Variants in RSRC1 observed in about 807,000 individuals in gnomAD.
The protein encoded by RSRC1 is serine/Arginine-related protein 53.
Under a neutral mutation model 49.1 loss-of-function variants are expected in RSRC1, and 39 were observed. That is an observed-to-expected ratio of 0.79 (90% CI 0.61 to 1.04). The LOEUF (loss-of-function observed/expected upper bound fraction) is 1.04, where lower values mean the gene tolerates loss of function less well. Among genes scored for constraint, RSRC1 ranks in the 50% least tolerant of loss-of-function variants. The probability of loss-of-function intolerance (pLI) is 0.00; values close to 1 mark genes in which losing one functional copy is unlikely to be tolerated. For synonymous variants in RSRC1, 143 were observed against 130.8 expected, an observed-to-expected ratio of 1.09 and a Z score of -0.63; for missense variants, 388 against 402.4, an observed-to-expected ratio of 0.96 and a Z score of 0.31.
chr3:158,119,209 C>G (rs1478468782), intron 1 of RSRC1, among the ~76,000 whole-genome samples: 1 of 152,082 alleles, frequency 6.6e-6, no homozygotes, highest in Non-Finnish European at 1.5e-5. Flanking sequence ...TGTGCCTGCT[C>G]TGGTATCTGG....
intron 3 of RSRC1, among the ~76,000 whole-genome samples, chr3:158,151,058 T>A (rs1717506171): frequency 6.6e-6 from 1 of 152,224 alleles, no homozygotes; most frequent in African/African-American, 2.4e-5. Context: ...TTTGAATGTG[T>A]AGGGGAGAAA....
At chr3:158,510,085 C>T (rs1305082924) in intron 7 of RSRC1, among the ~76,000 whole-genome samples, 1 of 152,166 alleles carries the variant, frequency 6.6e-6, no homozygotes, top group Non-Finnish European at 1.5e-5. Flanking sequence ...CACATCCTTG[C>T]CATGCTTGAT....
chr3:158,174,262 A>G (rs1719064511), intron 3 of RSRC1, among the ~76,000 whole-genome samples: 1 of 151,994 alleles, frequency 6.6e-6, no homozygotes, highest in Non-Finnish European at 1.5e-5. Flanking sequence ...TTGAGCTTTC[A>G]AAATTAAATG....
intron 7 of RSRC1, among the ~76,000 whole-genome samples, chr3:158,529,214 G>GTGTGTGTATATATATA (rs374368016): frequency 4.5e-4 from 65 of 143,146 alleles, no homozygotes; most frequent in African/African-American, 1.6e-3. Context: ...ATGTGTGTGT[G>GTGTGTGTATATATATA]TATATATATA....
intron 3 of RSRC1, among the ~76,000 whole-genome samples, chr3:158,195,197 G>T (rs1410348885): frequency 6.6e-6 from 1 of 152,166 alleles, no homozygotes; most frequent in East Asian, 1.9e-4. Flanking sequence ...ATTCTAATGG[G>T]TGTGAGATGA....
intron 3 of RSRC1, among the ~76,000 whole-genome samples, chr3:158,154,019 A>T (rs1578140928): frequency 6.6e-6 from 1 of 152,170 alleles, no homozygotes; most frequent in African/African-American, 2.4e-5. Flanking sequence ...TGAATCCTTG[A>T]CTGGACAGCT....
At chr3:158,454,351 G>C (rs1169946887) in intron 6 of RSRC1, among the ~76,000 whole-genome samples, 1 of 152,082 alleles carries the variant, frequency 6.6e-6, no homozygotes, top group East Asian at 1.9e-4. Context: ...TGAGAATTCA[G>C]TGAAATATAT....
intron 6 of RSRC1, among the ~76,000 whole-genome samples, chr3:158,360,311 G>A (rs1042164450): frequency 2.0e-5 from 3 of 152,162 alleles, no homozygotes; most frequent in African/African-American, 7.2e-5. Flanking sequence ...GGGCCTTAGA[G>A]GGGGAGGAAA....
intron 5 of RSRC1, among the ~76,000 whole-genome samples, chr3:158,344,004 C>T (rs570528546): frequency 6.6e-6 from 1 of 152,258 alleles, no homozygotes; most frequent in South Asian, 2.1e-4. Flanking sequence ...AGGCTGGGTA[C>T]GATGGCTTAC....
chr3:158,164,323 C>CT lies in RSRC1; in HGVS notation c.321-38739dup, dbSNP rs959735159. ...CAGGATTATTACACTGATAACTGTT[C>CT]TTTTTTTTTTAAAACAAGATTTTAC... On this transcript the variant is annotated intron_variant, in intron 3 of 9. Coordinates refer to ENST00000611884, the MANE Select transcript of RSRC1 (RefSeq NM_001271838.2). Among the ~76,000 whole-genome samples, 16 of 148,622 alleles carry CT rather than the reference C, an allele frequency of 1.1e-4. 1 individual carries two copies. The South Asian group carries it at 1.9e-3, about 18-fold the overall frequency.
At chr3:158,500,116 AGAT>A (rs2108459219) in intron 7 of RSRC1, among the ~76,000 whole-genome samples, 1 of 152,290 alleles carries the variant, frequency 6.6e-6, no homozygotes, top group South Asian at 2.1e-4. Flanking sequence ...GCATCTATTG[AGAT>A]GATCATGTGA....
chr3:158,514,144 C>T (rs1426437098), intron 7 of RSRC1, among the ~76,000 whole-genome samples: 1 of 152,064 alleles, frequency 6.6e-6, no homozygotes, highest in African/African-American at 2.4e-5. Flanking sequence ...TTAGTTATTT[C>T]TTGCCTTCTG....
chr3:158,518,095 CGT>C (rs1263691994), intron 7 of RSRC1, among the ~76,000 whole-genome samples: 5,770 of 75,658 alleles, frequency 0.076, 396 homozygotes, highest in Middle Eastern at 0.11. Context: ...TAAGTGCGTG[CGT>C]GTGTGTGTGT....
chr3:158,368,300 T>C (rs560427494), intron 6 of RSRC1, among the ~76,000 whole-genome samples: 6 of 152,342 alleles, frequency 3.9e-5, no homozygotes, highest in African/African-American at 1.2e-4. Flanking sequence ...ATCCCTAGGC[T>C]AAAGCCCTTC....
chr3:158,237,254 C>A lies in RSRC1; in HGVS notation c.494+34009C>A, dbSNP rs535292244. On this transcript the variant is annotated intron_variant, in intron 4 of 9. Transcript: ENST00000611884. ...GTGTTTAATATCTCATGAGTAAACA[C>A]CTAACAGTCAGTTTTTGGCTAATGA... 3.9e-5 allele frequency among the ~76,000 whole-genome samples: 6 copies of A among 152,232 alleles called. No individual in the cohort carries two copies. The East Asian group carries it at 1.2e-3, about 29-fold the overall frequency.
At chr3:158,192,282 T>C (rs1180652071) in intron 3 of RSRC1, among the ~76,000 whole-genome samples, 2 of 152,118 alleles carry the variant, frequency 1.3e-5, no homozygotes, top group Non-Finnish European at 2.9e-5. Flanking sequence ...TATAGATCTG[T>C]TATTGCTATC....
intron 4 of RSRC1, among the ~76,000 whole-genome samples, chr3:158,245,612 A>G (rs1723843995): frequency 6.6e-6 from 1 of 152,138 alleles, no homozygotes; most frequent in Non-Finnish European, 1.5e-5. Flanking sequence ...TAATATTGTC[A>G]GTGGCTTGTT....
chr3:158,477,603 AGT>A, intron 7 of RSRC1, among the ~76,000 whole-genome samples: 3 of 151,896 alleles, frequency 2.0e-5, no homozygotes. Context: ...AATAGACTAT[AGT>A]GTAGTGTAAA....
chr3:158,513,756 C>CTT (rs1191831512), intron 7 of RSRC1, among the ~76,000 whole-genome samples: 2 of 152,082 alleles, frequency 1.3e-5, no homozygotes, highest in African/African-American at 2.4e-5. Context: ...GTCCTGGACT[C>CTT]TTTGGTTGGT....
Sources: gnomAD v4.1 joint callset for allele counts (sites outside exome capture counted in the v4.1 genomes callset) on GRCh38, gnomAD v4.1.1 for gene constraint, MANE v1.5 for transcripts, NCBI Gene and HGNC (gene_info 2026-07-23, HGNC 2026-07-21) for gene names.